The following RAPGEF4 variants were observed in gnomAD, a reference collection of about 807,000 sequenced individuals.
The protein encoded by RAPGEF4 is RAP guanine-nucleotide-exchange factor (GEF) 4.
RAPGEF4 carries 66 observed loss-of-function variants against 147.9 expected under a neutral mutation model. The observed-to-expected ratio is 0.45, with a 90% CI of 0.37 to 0.55. The LOEUF is 0.55. RAPGEF4 is among the 20% of genes least tolerant of loss of function. The pLI, the probability that RAPGEF4 is intolerant of heterozygous loss-of-function variation, is 0.00. For missense variants in RAPGEF4, 1,071 were observed against 1,257.3 expected, an observed-to-expected ratio of 0.85 and a Z score of 2.24; for synonymous variants, 419 against 442.7, an observed-to-expected ratio of 0.95 and a Z score of 0.67.
chr2:172,955,626 T>C (rs1013779092), intron 6 of RAPGEF4, among the ~76,000 whole-genome samples: 4 of 152,220 alleles, frequency 2.6e-5, no homozygotes, highest in African/African-American at 7.2e-5. Flanking sequence ...GAAAATTTCA[T>C]TGGAGAGGGG....
intron 15 of RAPGEF4, among the ~76,000 whole-genome samples, chr2:172,995,285 GTGTGTT>G (rs1162348104): frequency 2.7e-5 from 3 of 113,186 alleles, no homozygotes; most frequent in African/African-American, 9.1e-5. Flanking sequence ...GTGTGTGTGT[GTGTGTT>G]TGTATTTTGA....
At chr2:173,015,411 A>T (rs915416517) in intron 18 of RAPGEF4, among the ~76,000 whole-genome samples, 2 of 152,222 alleles carry the variant, frequency 1.3e-5, no homozygotes, top group African/African-American at 4.8e-5. Context: ...TTCCGTTTCA[A>T]ACTTTTTCAG....
chr2:172,944,545 C>A (rs1216032270), intron 6 of RAPGEF4, among the ~76,000 whole-genome samples: 1 of 152,130 alleles, frequency 6.6e-6, no homozygotes, highest in Non-Finnish European at 1.5e-5. Context: ...GCTGCAAAAC[C>A]CAACACTTCC....
chr2:172,967,415 C>T lies in RAPGEF4; in HGVS notation c.975C>T (p.Asp325=), dbSNP rs373239187. The change falls in exon 10 of 31, where the codon GAC becomes GAT. Residue 325 remains aspartate (D), a synonymous_variant. Transcript: ENST00000397081. ...TGCTGCTGTCACAGATGGGCCCCGA[C>T]GCCCACATGAGGATGATCCTTCGCA... is the stretch of plus-strand genomic sequence containing the variant. ...TMLLLSQMGP[D]AHMRMILRKP... 9.5e-5 allele frequency: 153 copies of T among 1,611,572 alleles called. No homozygotes were observed. The highest frequency in any genetic ancestry group is 1.2e-4 in the Admixed American group (7 of 59,984).
At chr2:172,923,259 G>C (rs1483157808) in intron 6 of RAPGEF4, among the ~76,000 whole-genome samples, 1 of 152,046 alleles carries the variant, frequency 6.6e-6, no homozygotes, top group Non-Finnish European at 1.5e-5. Context: ...CTTGGGAGGT[G>C]GGGGTTGATT....
Position 173,045,016 on chromosome 2 carries a change from C to A in RAPGEF4, c.2854-3584C>A, listed in dbSNP as rs568347844. Among the ~76,000 whole-genome samples, 8 of 152,318 alleles carry A rather than the reference C, an allele frequency of 5.3e-5. No individual in the cohort carries two copies. In the East Asian group the frequency reaches 1.4e-3, roughly 26 times the overall value. On this transcript the variant is annotated intron_variant, in intron 29 of 30. Transcript: ENST00000397081. ...GCGTAGGGTGTAATTTTTGGTTTCACCCCTGCTGCAGCAGTTGGATAATGA... is the reference window on the plus strand; with the variant it reads ...GCGTAGGGTGTAATTTTTGGTTTCAACCCTGCTGCAGCAGTTGGATAATGA...
intron 4 of RAPGEF4, among the ~76,000 whole-genome samples, chr2:172,891,496 T>G (rs1216629296): frequency 6.6e-6 from 1 of 152,242 alleles, no homozygotes; most frequent in African/African-American, 2.4e-5. Flanking sequence ...GACATCTGTT[T>G]ATCTCAAAAT....
Position 172,972,578 on chromosome 2 carries a change from G to A in RAPGEF4, c.1004+5134G>A, listed in dbSNP as rs1339064056. ...AAAGATTTTGGCGTCACAAGTGAAA[G>A]CTTGTAGAATTTACCTGAATAAATG... On this transcript the variant is annotated intron_variant, in intron 10 of 30. Coordinates refer to ENST00000397081, the MANE Select transcript of RAPGEF4 (RefSeq NM_007023.4). Among the ~76,000 whole-genome samples, 4 of 152,204 alleles carry A rather than the reference G, an allele frequency of 2.6e-5. No homozygotes were observed. The East Asian group carries it at 7.7e-4, about 29-fold the overall frequency.
At chr2:172,944,122 A>G (rs2105346177) in intron 6 of RAPGEF4, among the ~76,000 whole-genome samples, 1 of 152,340 alleles carries the variant, frequency 6.6e-6, no homozygotes, top group Non-Finnish European at 1.5e-5. Flanking sequence ...ACACGGGAAC[A>G]TCTTAGGCTG....
intron 29 of RAPGEF4, among the ~76,000 whole-genome samples, chr2:173,038,774 A>G (rs537516761): frequency 1.3e-5 from 2 of 152,370 alleles, no homozygotes; most frequent in Admixed American, 1.3e-4. Context: ...ATTTTTAAAA[A>G]TAAGTTTTGA....
rs747246063 is a variant in RAPGEF4 at position 173,020,690 on chromosome 2, G to C, written c.2228G>C (p.Cys743Ser). The C allele has an allele frequency of 5.6e-6, 9 of 1,613,836 alleles. No individual in the cohort carries two copies. The highest frequency in any genetic ancestry group is 7.6e-6 in the Non-Finnish European group (9 of 1,179,858). The change falls in exon 23 of 31, where the codon TGC (cysteine) becomes TCC (serine). Residue 743 changes from cysteine to serine, a missense_variant. Coordinates refer to ENST00000397081, the MANE Select transcript of RAPGEF4 (RefSeq NM_007023.4). ...ACCATTAATGGACGCCTGTTTGCTT[G>C]CCCGCGAGAGCAATTCGATTCACTG... Reference protein sequence around the residue: ...TLTINGRLFACPREQFDSLTP... With the variant: ...TLTINGRLFASPREQFDSLTP...
Position 173,051,917 on chromosome 2 carries a change from A to G in RAPGEF4, c.*150A>G. The G allele has an allele frequency of 1.3e-6, 1 of 796,826 alleles. No homozygotes were observed. Among genetic ancestry groups the G allele is most frequent in the Non-Finnish European group, 2.0e-6 (1 of 511,926 alleles). The allele number at this position is 796,826 out of a possible 1,614,324, so 49.4% of individuals were successfully genotyped here. A position where few individuals can be genotyped will look rare whatever the true frequency, so the allele number is the denominator to read the frequency against. ...GACACCTCAGGGCTGCATTCAGCTT[A>G]CCAGCTACCTAGCAAGAGAAGGAAT... On this transcript the variant is annotated 3_prime_UTR_variant, in exon 31 of 31. Transcript: ENST00000397081.
chr2:172,744,321 C>T, intron 1 of RAPGEF4: 1 of 445,616 alleles, frequency 2.2e-6, no homozygotes, highest in Non-Finnish European at 4.5e-6. Context: ...GTCACCTCTA[C>T]CCTCTAGCTA....
intron 4 of RAPGEF4, among the ~76,000 whole-genome samples, chr2:172,869,702 G>T (rs1297392998): frequency 6.6e-6 from 1 of 152,062 alleles, no homozygotes; most frequent in African/African-American, 2.4e-5. Context: ...TGGTGATTTT[G>T]TATGTTCAGC....
intron 4 of RAPGEF4, among the ~76,000 whole-genome samples, chr2:172,872,861 T>C (rs1695409478): frequency 6.6e-6 from 1 of 152,162 alleles, no homozygotes; most frequent in Admixed American, 6.5e-5. Context: ...AATGGCCTAA[T>C]ACCAGCAGAT....
intron 4 of RAPGEF4, among the ~76,000 whole-genome samples, chr2:172,835,243 T>C (rs1373512339): frequency 6.6e-6 from 1 of 152,186 alleles, no homozygotes; most frequent in Non-Finnish European, 1.5e-5. Context: ...GCCACATTCA[T>C]TTTGGTGTCT....
chr2:172,961,277 G>A, intron 8 of RAPGEF4, 49 bp downstream of exon 8: 1 of 1,405,876 alleles, frequency 7.1e-7, no homozygotes, highest in Non-Finnish European at 1.0e-6. Flanking sequence ...TTCATGTTTA[G>A]TGAAAATGGA....
chr2:172,819,114 A>G (rs1688797571), intron 4 of RAPGEF4, among the ~76,000 whole-genome samples: 2 of 152,064 alleles, frequency 1.3e-5, no homozygotes, highest in Admixed American at 6.5e-5. Flanking sequence ...CATCTTTCCT[A>G]ATGAAAATGA....
At chr2:172,961,714 A>C (rs1689318097) in intron 8 of RAPGEF4, among the ~76,000 whole-genome samples, 1 of 152,216 alleles carries the variant, frequency 6.6e-6, no homozygotes, top group South Asian at 2.1e-4. Flanking sequence ...AGTGAGTGGC[A>C]GGGCCAGGAT....
Sources: gnomAD v4.1 joint callset for allele counts (sites outside exome capture counted in the v4.1 genomes callset) on GRCh38, gnomAD v4.1.1 for gene constraint, MANE v1.5 for transcripts, NCBI Gene and HGNC (gene_info 2026-07-23, HGNC 2026-07-21) for gene names.